The following SEMA4D variants were observed in gnomAD, a reference collection of about 807,000 sequenced individuals.
The protein encoded by SEMA4D is semaphorin-4D.
In SEMA4D, 22 loss-of-function variants were observed where a neutral mutation model predicts 74.8. The ratio of observed to expected loss-of-function variants is 0.29; its 90% CI spans 0.21 to 0.42. The LOEUF (loss-of-function observed/expected upper bound fraction) is 0.42. Ranked by LOEUF, SEMA4D falls within the 10% of genes least tolerant of loss-of-function variation. The probability of loss-of-function intolerance (pLI) is 1.00; values close to 1 mark genes in which losing one functional copy is unlikely to be tolerated. For synonymous variants in SEMA4D, 445 were observed against 463.7 expected, an observed-to-expected ratio of 0.96 and a Z score of 0.52; for missense variants, 937 against 1,118.4, an observed-to-expected ratio of 0.84 and a Z score of 2.31.
At position 89,407,349 on chromosome 9, in the gene SEMA4D, T is replaced by C. The variant is rs1405862437; in HGVS notation, c.-243-1650A>G. ...GCTGCTGCCTGGAACTAGAATGTGA[T>C]GGCTGGAGCTCTGGCAGCCATGCTG... On this transcript the variant is annotated intron_variant, in intron 2 of 15. Transcript: ENST00000422704. Among the ~76,000 whole-genome samples, 8 of 152,218 alleles carry C rather than the reference T, an allele frequency of 5.3e-5. No homozygotes were observed. In the East Asian group the frequency reaches 1.3e-3, roughly 26 times the overall value.
intron 1 of SEMA4D, chr9:89,497,389 G>T (rs1333752727): frequency 1.3e-5 from 2 of 152,334 alleles, no homozygotes; most frequent in Admixed American, 1.3e-4. Context: ...CTGAGTGCGC[G>T]GCGCCGGGTC....
chr9:89,396,905 C>A, intron 5 of SEMA4D, 70 bp from the exon 6 acceptor site: 1 of 1,383,130 alleles, frequency 7.2e-7, no homozygotes, highest in East Asian at 2.5e-5. Flanking sequence ...AAACTGCTCA[C>A]GCCGTTCATC....
intron 1 of SEMA4D, among the ~76,000 whole-genome samples, chr9:89,480,441 G>A (rs890307270): frequency 1.3e-5 from 2 of 152,256 alleles, no homozygotes; most frequent in Non-Finnish European, 2.9e-5. Flanking sequence ...TTGGGTGGTC[G>A]ATGGGACTGG....
At chr9:89,400,203 C>G (rs1587588773) in intron 4 of SEMA4D, among the ~76,000 whole-genome samples, 1 of 152,348 alleles carries the variant, frequency 6.6e-6, no homozygotes, top group East Asian at 1.9e-4. Flanking sequence ...CCTACCACCT[C>G]TTCTTTCAAA....
At chr9:89,396,929 C>A in intron 5 of SEMA4D, 94 bp from the exon 6 acceptor site, 1 of 1,101,640 alleles carries the variant, frequency 9.1e-7, no homozygotes, top group Non-Finnish European at 1.3e-6. Flanking sequence ...GGGGCACAGA[C>A]CCACATTCAC....
chr9:89,428,871 G>A (rs913148328), intron 2 of SEMA4D, among the ~76,000 whole-genome samples: 2 of 152,214 alleles, frequency 1.3e-5, no homozygotes, highest in African/African-American at 2.4e-5. Flanking sequence ...AGCAGCCAGC[G>A]CAAAGCTTCT....
At chr9:89,489,782 G>A (rs181567927) in intron 1 of SEMA4D, among the ~76,000 whole-genome samples, 105 of 152,260 alleles carry the variant, frequency 6.9e-4, no homozygotes, top group African/African-American at 2.5e-3. Flanking sequence ...CCGTCCTTTG[G>A]CTACTGGAAT....
chr9:89,405,303 A>G (rs2133758668), intron 3 of SEMA4D, 48 bp downstream of exon 3: 5 of 1,513,708 alleles, frequency 3.3e-6, no homozygotes, highest in Non-Finnish European at 3.7e-6. Context: ...CCAGGCAGTG[A>G]GGTCCCCATC....
At chr9:89,476,646 C>G (rs1043409536) in intron 1 of SEMA4D, among the ~76,000 whole-genome samples, 1 of 152,328 alleles carries the variant, frequency 6.6e-6, no homozygotes, top group East Asian at 1.9e-4. Context: ...GGCATCTCCA[C>G]AATCAGGTGA....
intron 3 of SEMA4D, among the ~76,000 whole-genome samples, chr9:89,404,025 CACA>C (rs1226115118): frequency 1.3e-5 from 2 of 152,334 alleles, no homozygotes; most frequent in African/African-American, 2.4e-5. Context: ...TCTCTCTCAG[CACA>C]ACAATGGCCT....
chr9:89,398,808 A>G (rs753122095), intron 5 of SEMA4D, among the ~76,000 whole-genome samples: 7 of 152,218 alleles, frequency 4.6e-5, no homozygotes, highest in Non-Finnish European at 5.9e-5. Context: ...CCCTCCTGCA[A>G]GAGGTTGAGC....
chr9:89,372,164 T>G (rs1392761609), intron 16 of SEMA4D, among the ~76,000 whole-genome samples: 1 of 32,970 alleles, frequency 3.0e-5, no homozygotes, highest in Non-Finnish European at 5.2e-5. Flanking sequence ...GGTGTGTGTG[T>G]GGGGGGTGTG....
intron 2 of SEMA4D, among the ~76,000 whole-genome samples, chr9:89,429,696 G>A (rs1013455236): frequency 6.6e-6 from 1 of 152,172 alleles, no homozygotes; most frequent in Non-Finnish European, 1.5e-5. Flanking sequence ...AGTGGCCGAG[G>A]GACGTACCCG....
chr9:89,362,579 A>G (rs1350126198), intron 18 of SEMA4D: 4 of 1,390,508 alleles, frequency 2.9e-6, no homozygotes, highest in Non-Finnish European at 4.0e-6. Flanking sequence ...TAAAGATCCA[A>G]ATGCCAGGAG....
rs968227448 is a variant in SEMA4D at position 89,379,299 on chromosome 9, C to T, written c.1994G>A (p.Gly665Asp). 7.4e-6 allele frequency: 12 copies of T among 1,614,010 alleles called. No homozygotes were observed. The highest frequency in any genetic ancestry group is 3.3e-5 in the Admixed American group (2 of 59,998). Reference sequence around the variant, plus strand: ...CAACACTTTGGTGGCAATCCTACTACCTTCTGTCTGAACAACTGACAAGGT... The same window carrying T: ...CAACACTTTGGTGGCAATCCTACTATCTTCTGTCTGAACAACTGACAAGGT... ...APTLSVVQTE[G>D]SRIATKVLVA... is the part of the protein sequence containing the mutation. Residue 665 changes from glycine (G) to aspartate (D), a missense_variant, in exon 16 of 16, where the codon GGT becomes GAT. Transcript: ENST00000422704.
At chr9:89,375,377 C>A (rs1036857707), downstream of SEMA4D, among the ~76,000 whole-genome samples, 2 of 152,192 alleles carry the variant, frequency 1.3e-5, no homozygotes, top group Admixed American at 1.3e-4. Flanking sequence ...AGGAACCACA[C>A]AAGCCAGCCT....
intron 2 of SEMA4D, among the ~76,000 whole-genome samples, chr9:89,448,790 G>A (rs1332375071): frequency 6.6e-6 from 1 of 152,192 alleles, no homozygotes; most frequent in Non-Finnish European, 1.5e-5. Flanking sequence ...CCGGCCAGAT[G>A]TGGAAGTGCC....
rs1832953484 is a variant in SEMA4D, at chr9:89,363,066, A to G, written c.2190+364T>C. Among the ~76,000 whole-genome samples, 9 of 152,264 alleles carry G rather than the reference A, an allele frequency of 5.9e-5. No individual in the cohort carries two copies. The South Asian group carries it at 1.9e-3, about 32-fold the overall frequency. ...CCAGGAGCTACCTGGAGGGTTCCCC[A>G]TCTGTCCAGGTTTCCTGCCCTCCTC... On this transcript the variant is annotated intron_variant, in intron 18 of 18. Coordinates refer to the SEMA4D transcript ENST00000339861.
At chr9:89,479,318 G>A (rs763207899) in intron 1 of SEMA4D, among the ~76,000 whole-genome samples, 1 of 152,228 alleles carries the variant, frequency 6.6e-6, no homozygotes, top group East Asian at 1.9e-4. Flanking sequence ...CAGCAATGGC[G>A]AGATTGGCCA....
Sources: allele counts gnomAD v4.1 joint callset (sites outside exome capture counted in the v4.1 genomes callset), GRCh38; gene constraint gnomAD v4.1.1; transcripts MANE v1.5; gene names NCBI Gene and HGNC (gene_info 2026-07-23, HGNC 2026-07-21).